FCHO1: variants seen among roughly 807,000 people sequenced by gnomAD.
The protein encoded by FCHO1 is FCH and mu domain containing endocytic adaptor 1.
A neutral mutation model predicts 114.4 loss-of-function variants in FCHO1; 45 were observed. The observed-to-expected ratio is 0.39, with a 90% CI of 0.31 to 0.50. The LOEUF (loss-of-function observed/expected upper bound fraction) is 0.50, where lower values mean the gene tolerates loss of function less well. Among genes scored for constraint, FCHO1 ranks in the 20% least tolerant of loss-of-function variants. The pLI, the probability that FCHO1 is intolerant of heterozygous loss-of-function variation, is 0.77. For missense variants in FCHO1, 1,042 were observed against 1,209.6 expected (o/e 0.86, Z 2.06); for synonymous variants, 480 against 488.9 (o/e 0.98, Z 0.24).
At chr19:17,778,584 C>A in intron 19 of FCHO1, 25 bp from the exon 20 acceptor site, 1 of 1,511,550 alleles carries the variant, frequency 6.6e-7, no homozygotes, top group South Asian at 1.3e-5. Context: ...AGGGTCGGAG[C>A]TGACCGCCCG....
rs540411035 is a variant in FCHO1, at chr19:17,768,492, G to T, written c.336+1682G>T. Among the ~76,000 whole-genome samples the T allele has an allele frequency of 3.6e-4, 55 of 150,804 alleles. No homozygotes were observed. In the South Asian group the frequency reaches 0.011, roughly 30 times the overall value. ...ATATCACTTGAAGTCAGGAGTTCCA[G>T]ACCAGCCTGGCCAACATGGTGAAAC... On this transcript the variant is annotated intron_variant, in intron 7 of 28. Transcript: ENST00000596536.
rs1322370273 is a variant in FCHO1, at chr19:17,784,129, C to A, written c.2120C>A (p.Thr707Asn). The A allele has an allele frequency of 6.2e-7, 1 of 1,614,128 alleles. No individual in the cohort carries two copies. Among genetic ancestry groups the A allele is most frequent in the Admixed American group, 1.7e-5 (1 of 60,012 alleles). The change falls in exon 25 of 29, where the codon ACC becomes AAC. Residue 707 changes from threonine to asparagine, a missense_variant. Physicochemically the swap from Thr to Asn is moderately conservative, Grantham distance 65 (BLOSUM62 0). Transcript: ENST00000596536. This position sits in a 1 kb window ranked among gnomAD's most constrained non-coding sequence, Gnocchi z 5.3. ...GACCCCTCCCAGAGTGACCCTGAGA[C>A]CAAAGACTTCTGGCTCAACATGGCA... ...FSDPSQSDPE[T>N]KDFWLNMAAL...
Position 17,787,444 on chromosome 19 carries a change from G to T in FCHO1, c.2483-238G>T, listed in dbSNP as rs554277061. 2.7e-5 allele frequency among the ~76,000 whole-genome samples: 4 copies of T among 150,748 alleles called. No homozygotes were observed. In the South Asian group the frequency reaches 8.4e-4, roughly 32 times the overall value. ...AAAAAAAAAAGCTGAAGGAGAGGGC[G>T]TCCCAGGGCCAGATGGCCAGACACA... On this transcript the variant is annotated intron_variant, in intron 27 of 28. Coordinates refer to ENST00000596536, the MANE Select transcript of FCHO1 (RefSeq NM_015122.3).
At chr19:17,750,144 G>A (rs1020424025), upstream of FCHO1, among the ~76,000 whole-genome samples, 2 of 152,120 alleles carry the variant, frequency 1.3e-5, no homozygotes, top group African/African-American at 2.4e-5. Flanking sequence ...ACTTGGTGCC[G>A]GGAAGGCAGG....
chr19:17,767,563 TAAAA>T (rs34862065), intron 7 of FCHO1, among the ~76,000 whole-genome samples: 1 of 114,326 alleles, frequency 8.7e-6, no homozygotes, highest in Non-Finnish European at 1.7e-5. Flanking sequence ...AAAGACTGTC[TAAAA>T]AAAAAAAAAA....
At chr19:17,785,987 A>C (rs1414594561) in intron 26 of FCHO1, among the ~76,000 whole-genome samples, 1 of 151,924 alleles carries the variant, frequency 6.6e-6, no homozygotes, top group East Asian at 1.9e-4. Flanking sequence ...TTAAAAAAAA[A>C]AAAGTCTGTT....
intron 22 of FCHO1, 54 bp downstream of exon 22, chr19:17,781,593 G>T: frequency 6.3e-7 from 1 of 1,593,380 alleles, no homozygotes; most frequent in Non-Finnish European, 8.6e-7. Flanking sequence ...ACCTTCTCTG[G>T]TCTGGGTGGG....
intron 7 of FCHO1, 60 bp from the exon 8 acceptor site, chr19:17,770,365 G>C (rs2091135388): frequency 6.7e-7 from 1 of 1,499,704 alleles, no homozygotes; most frequent in East Asian, 2.3e-5. Flanking sequence ...ACATCACGTG[G>C]AGTGTTTGGG....
upstream of FCHO1, among the ~76,000 whole-genome samples, chr19:17,748,513 G>T (rs1002976047): frequency 6.6e-6 from 1 of 151,692 alleles, no homozygotes; most frequent in Non-Finnish European, 1.5e-5. Context: ...GACTTGGGGG[G>T]GGGGTCCCTC....
At chr19:17,749,644 G>A (rs781530830), upstream of FCHO1, among the ~76,000 whole-genome samples, 2 of 152,052 alleles carry the variant, frequency 1.3e-5, no homozygotes, top group African/African-American at 4.8e-5. Context: ...TTGGTGGCCC[G>A]AGTCACTGTG....
chr19:17,772,599 G>T, intron 10 of FCHO1, 44 bp downstream of exon 10: 1 of 1,613,560 alleles, frequency 6.2e-7, no homozygotes, highest in South Asian at 1.1e-5. Flanking sequence ...GTCACTGCTG[G>T]GCAAAGGGGC....
intron 7 of FCHO1, among the ~76,000 whole-genome samples, chr19:17,769,902 A>G (rs2090966989): frequency 6.6e-6 from 1 of 151,774 alleles, no homozygotes; most frequent in Non-Finnish European, 1.5e-5. Flanking sequence ...AGTGGCTCAC[A>G]CCTGTAATCC....
At chr19:17,777,804 C>T (rs1038776563) in intron 18 of FCHO1, among the ~76,000 whole-genome samples, 1 of 152,060 alleles carries the variant, frequency 6.6e-6, no homozygotes, top group Non-Finnish European at 1.5e-5. Flanking sequence ...CAGCACTGGC[C>T]AAAGCAGCCA....
chr19:17,764,432 C>T lies in FCHO1; in HGVS notation c.177C>T (p.Ser59=), dbSNP rs757701170. 1.2e-6 allele frequency: 2 copies of T among 1,613,060 alleles called. No individual in the cohort carries two copies. The highest frequency in any genetic ancestry group is 1.7e-6 in the Non-Finnish European group (2 of 1,179,574). The change falls in exon 6 of 29, where the codon AGC becomes AGT. Residue 59 remains serine (S), a synonymous_variant. Coordinates refer to ENST00000596536, the MANE Select transcript of FCHO1 (RefSeq NM_015122.3). ...KAMAKLSKLA[S]NGTPMGTFAP... is the part of the protein sequence containing the mutation. ...TGGCGAAACTCTCCAAGCTGGCCAG[C>T]AACGGGACCCCCATGGGGTGAGTGG... is the stretch of plus-strand genomic sequence containing the variant.
At chr19:17,787,223 CAAAAAAAAAAAAAAAAAAA>C (rs61302593) in intron 27 of FCHO1, among the ~76,000 whole-genome samples, 1 of 39,826 alleles carries the variant, frequency 2.5e-5, no homozygotes, top group Admixed American at 4.6e-4. Context: ...GACTCTGTCT[CAAAAAAAAAAAAAAAAAAA>C]AAAAAAAAAA....
At chr19:17,785,829 G>A (rs1480530874) in intron 26 of FCHO1, among the ~76,000 whole-genome samples, 13 of 91,996 alleles carry the variant, frequency 1.4e-4, no homozygotes, top group African/African-American at 3.7e-4. Context: ...GTGAGACTCC[G>A]TCTCAAAAAA....
At position 17,787,581 on chromosome 19, in the gene FCHO1, G is replaced by A. The variant is rs1265236719; in HGVS notation, c.2483-101G>A. On this transcript the variant is annotated intron_variant, in intron 27 of 28. Coordinates refer to ENST00000596536, the MANE Select transcript of FCHO1 (RefSeq NM_015122.3). ...GGGAGGTCTGATGGGGCACATAAAG[G>A]CCACAGAACAGAGGGCTTCAGGTGT... The A allele has an allele frequency of 9.0e-6, 12 of 1,330,938 alleles. No individual in the cohort carries two copies. In the African/African-American group the frequency reaches 1.3e-4, roughly 15 times the overall value. 82.4% of individuals were successfully genotyped at this position (1,330,938 alleles called of 1,614,324 possible).
intron 27 of FCHO1, among the ~76,000 whole-genome samples, chr19:17,787,068 A>G (rs1055873882): frequency 6.6e-6 from 1 of 151,654 alleles, no homozygotes; most frequent in African/African-American, 2.4e-5. Context: ...TACTAAAAAT[A>G]TAAAAATTAG....
intron 11 of FCHO1, 111 bp downstream of exon 11, chr19:17,772,852 G>A (rs1031661877): frequency 1.4e-5 from 11 of 768,704 alleles, no homozygotes; most frequent in Middle Eastern, 3.7e-4. Context: ...TAATAGAGAC[G>A]AGGTTTCACC....
Sources: gnomAD v4.1 joint callset for allele counts (sites outside exome capture counted in the v4.1 genomes callset) on GRCh38, gnomAD v4.1.1 for gene constraint, Gnocchi (gnomAD v3.1) non-coding constraint, MANE v1.5 for transcripts, NCBI Gene and HGNC (gene_info 2026-07-23, HGNC 2026-07-21) for gene names.